PTN: variants seen among roughly 807,000 people sequenced by gnomAD.
The protein encoded by PTN is pleiotrophin, also known as heparin affin regulatory protein.
In PTN, 18 loss-of-function variants were observed where a neutral mutation model predicts 24.1. That is an observed-to-expected ratio of 0.75 (90% CI 0.52 to 1.11). The LOEUF is 1.11. Among genes scored for constraint, PTN ranks in the 50% least tolerant of loss-of-function variants. The pLI, the probability that PTN is intolerant of heterozygous loss-of-function variation, is 0.00. For synonymous variants in PTN, 78 were observed against 68.6 expected (o/e 1.14, Z -0.67); for missense variants, 163 against 198.8 (o/e 0.82, Z 1.08).
chr7:137,297,205 C>A (rs1054966793), intron 1 of PTN, among the ~76,000 whole-genome samples: 1 of 151,994 alleles, frequency 6.6e-6, no homozygotes, highest in Non-Finnish European at 1.5e-5. Flanking sequence ...TCCAAAAAAT[C>A]TGTACCATCA....
intron 4 of PTN, among the ~76,000 whole-genome samples, chr7:137,233,047 C>T (rs727184): frequency 0.24 from 36,789 of 151,834 alleles, 5,722 homozygotes; most frequent in African/African-American, 0.44. Flanking sequence ...TGGGCTAATA[C>T]AGTAAATGCA....
At chr7:137,279,112 G>T (rs1809423196) in intron 1 of PTN, among the ~76,000 whole-genome samples, 4 of 151,560 alleles carry the variant, frequency 2.6e-5, no homozygotes, top group Admixed American at 2.6e-4. Context: ...CATATTACAA[G>T]AAATTATATA....
chr7:137,285,213 G>T (rs1169694358), intron 1 of PTN, among the ~76,000 whole-genome samples: 5 of 152,288 alleles, frequency 3.3e-5, no homozygotes, highest in African/African-American at 1.2e-4. Flanking sequence ...AGTGAGAAAT[G>T]AGGTTGAATT....
intron 4 of PTN, among the ~76,000 whole-genome samples, chr7:137,235,763 C>T (rs2128868084): frequency 6.6e-6 from 1 of 152,248 alleles, no homozygotes; most frequent in Admixed American, 6.5e-5. Context: ...CACTGTCCAC[C>T]TTCCTCTTCA....
chr7:137,235,954 C>A (rs936592099), intron 4 of PTN, among the ~76,000 whole-genome samples: 1 of 152,088 alleles, frequency 6.6e-6, no homozygotes, highest in Non-Finnish European at 1.5e-5. Context: ...TTTTGTCCCC[C>A]CCACTCACTT....
chr7:137,282,544 C>T (rs979893802), intron 1 of PTN, among the ~76,000 whole-genome samples: 1 of 152,032 alleles, frequency 6.6e-6, no homozygotes, highest in Admixed American at 6.6e-5. Context: ...TCAGAGCAGC[C>T]AGCACCTTAG....
rs148998408 is a variant in PTN at position 137,310,404 on chromosome 7, G to T, written c.-2+33035C>A. On this transcript the variant is annotated intron_variant, in intron 1 of 4. Coordinates refer to ENST00000348225, the MANE Select transcript of PTN (RefSeq NM_002825.7). The stretch of plus-strand genomic sequence containing the variant: ...CAAGTTACCATGTTTTTTTTTTTTT[G>T]TTTTTTTTTTTTTTGAGATAGTCTC... Among the ~76,000 whole-genome samples, 821 of 115,660 alleles carry T rather than the reference G, an allele frequency of 7.1e-3. 10 individuals carry two copies. The highest frequency in any genetic ancestry group is 0.049 in the East Asian group (193 of 3,940). 75.9% of individuals were successfully genotyped at this position (115,660 alleles called of 152,430 possible).
At chr7:137,236,365 T>A in intron 4 of PTN, 1 of 678,174 alleles carries the variant, frequency 1.5e-6, no homozygotes. Flanking sequence ...CGTGTTGGGA[T>A]CAGTCCCTGA....
At chr7:137,270,952 C>T (rs1809262868) in intron 1 of PTN, among the ~76,000 whole-genome samples, 1 of 152,186 alleles carries the variant, frequency 6.6e-6, no homozygotes, top group African/African-American at 2.4e-5. Flanking sequence ...CAAATTCTCA[C>T]TTTTCCTTCC....
chr7:137,237,274 G>A (rs900913068), intron 4 of PTN, among the ~76,000 whole-genome samples: 1 of 148,950 alleles, frequency 6.7e-6, no homozygotes, highest in African/African-American at 2.4e-5. Flanking sequence ...AAAGACAGCT[G>A]TCTATAAACC....
At position 137,321,532 on chromosome 7, in the gene PTN, AG is replaced by A. The variant is rs1353021817; in HGVS notation, c.-2+21906del. Among the ~76,000 whole-genome samples the A allele has an allele frequency of 2.0e-5, 3 of 152,240 alleles. 1 individual carries two copies. The highest frequency in any genetic ancestry group is 2.0e-4 in the Admixed American group (3 of 15,284). On this transcript the variant is annotated intron_variant, in intron 1 of 4. Coordinates refer to ENST00000348225, the MANE Select transcript of PTN (RefSeq NM_002825.7). The stretch of plus-strand genomic sequence containing the variant: ...TGTTTATCATTGATGCCACGTTCTT[AG>A]ATGGTAGATGCTCAAAGATATTTTA...
intron 1 of PTN, among the ~76,000 whole-genome samples, chr7:137,310,797 G>C (rs949437466): frequency 6.6e-6 from 1 of 152,116 alleles, no homozygotes; most frequent in Non-Finnish European, 1.5e-5. Flanking sequence ...TGGATAACTT[G>C]CTGCAGGTTC....
chr7:137,227,633 G>GA lies in PTN; in HGVS notation c.*386dup, dbSNP rs954396753. 14 of 156,762 alleles carry GA rather than the reference G, an allele frequency of 8.9e-5. No homozygotes were observed. The highest frequency in any genetic ancestry group is 1.8e-4 in the Non-Finnish European group (13 of 71,438). The allele number at this position is 156,762 out of a possible 1,614,324, so 9.7% of individuals were successfully genotyped here. A position where few individuals can be genotyped will look rare whatever the true frequency, so the allele number is the denominator to read the frequency against. ...TTTAGTATATATTTTTCTCAATTGG[G>GA]AAAAAAATCTAGGTGAAAAAAATTA... On this transcript the variant is annotated 3_prime_UTR_variant, in exon 5 of 5. Coordinates refer to ENST00000348225, the MANE Select transcript of PTN (RefSeq NM_002825.7).
intron 1 of PTN, among the ~76,000 whole-genome samples, chr7:137,292,427 A>T (rs1461378056): frequency 6.6e-6 from 1 of 152,086 alleles, no homozygotes; most frequent in East Asian, 1.9e-4. Flanking sequence ...GGTAGTGAAT[A>T]AGTCTCATGA....
intron 4 of PTN, among the ~76,000 whole-genome samples, chr7:137,246,975 A>C (rs1030616171): frequency 3.3e-5 from 5 of 152,226 alleles, no homozygotes; most frequent in Non-Finnish European, 7.3e-5. Flanking sequence ...AGTTGCTTTA[A>C]GGCTTAAATT....
intron 1 of PTN, among the ~76,000 whole-genome samples, chr7:137,268,640 A>G (rs1304275361): frequency 6.6e-6 from 1 of 152,190 alleles, no homozygotes; most frequent in Non-Finnish European, 1.5e-5. Flanking sequence ...GAATCTGTAG[A>G]TAACAACAGT....
rs750106262 is a variant in PTN, at chr7:137,253,617, C to A, written c.136G>T (p.Asp46Tyr). 6.5e-7 allele frequency: 1 copy of A among 1,548,624 alleles called. No homozygotes were observed. The highest frequency in any genetic ancestry group is 8.7e-7 in the Non-Finnish European group (1 of 1,142,932). ...ACACTCCACTGCCATTCTCCACAGT[C>A]AGACTTCTTCACTTTTTTTTCTGAA... ...EKPEKKVKKSDCGEWQWSVCV... is the reference protein window; with the variant it reads ...EKPEKKVKKSYCGEWQWSVCV... Residue 46 changes from aspartate to tyrosine, a missense_variant, in exon 3 of 5, where the codon GAC becomes TAC. By Grantham distance (160) the Asp-to-Tyr change is radical. Coordinates refer to ENST00000348225, the MANE Select transcript of PTN (RefSeq NM_002825.7).
chr7:137,269,622 C>CTCTTTTT (rs1194863462), intron 1 of PTN, among the ~76,000 whole-genome samples: 1 of 106,066 alleles, frequency 9.4e-6, no homozygotes, highest in African/African-American at 4.5e-5. Flanking sequence ...GCTGCTTCAT[C>CTCTTTTT]TATTTTTTTT....
At chr7:137,329,716 T>C (rs928551726) in intron 1 of PTN, among the ~76,000 whole-genome samples, 2 of 152,210 alleles carry the variant, frequency 1.3e-5, no homozygotes, top group Non-Finnish European at 2.9e-5. Flanking sequence ...AGTAAAATGT[T>C]ACTCCAATTC....
Sources: gnomAD v4.1 joint callset for allele counts (sites outside exome capture counted in the v4.1 genomes callset) on GRCh38, gnomAD v4.1.1 for gene constraint, MANE v1.5 for transcripts, NCBI Gene and HGNC (gene_info 2026-07-23, HGNC 2026-07-21) for gene names.